Variants in RPH3A observed in about 807,000 individuals in gnomAD.
RPH3A encodes the protein rabphilin-3A.
Under a neutral mutation model 102.2 loss-of-function variants are expected in RPH3A, and 48 were observed. That is an observed-to-expected ratio of 0.47 (90% confidence interval 0.37 to 0.60). RPH3A has a LOEUF of 0.60. RPH3A is among the 20% of genes least tolerant of loss of function. The probability of loss-of-function intolerance (pLI) is 0.00; values close to 1 mark genes in which losing one functional copy is unlikely to be tolerated. For synonymous variants in RPH3A, 310 were observed against 324.3 expected, an observed-to-expected ratio of 0.96 and a Z score of 0.47; for missense variants, 781 against 910.1, an observed-to-expected ratio of 0.86 and a Z score of 1.83.
intron 1 of RPH3A, among the ~76,000 whole-genome samples, chr12:112,771,502 C>T (rs541374458): frequency 2.5e-4 from 38 of 152,152 alleles, no homozygotes; most frequent in Non-Finnish European, 2.9e-4. Context: ...TATGTCACTA[C>T]AAACAATGCT....
At chr12:112,601,605 C>G (rs180941702) in intron 1 of RPH3A, among the ~76,000 whole-genome samples, 37 of 152,228 alleles carry the variant, frequency 2.4e-4, no homozygotes, top group Admixed American at 1.3e-3. Context: ...TGCACAGCAA[C>G]TACATAAAGT....
chr12:112,892,392 C>T (rs1460760741), intron 19 of RPH3A, among the ~76,000 whole-genome samples: 1 of 152,162 alleles, frequency 6.6e-6, no homozygotes, highest in African/African-American at 2.4e-5. Flanking sequence ...ACAGGTATGA[C>T]CCCTGTGGAG....
intron 5 of RPH3A, 152 bp downstream of exon 5, chr12:112,847,994 C>G: frequency 1.3e-6 from 1 of 745,256 alleles, no homozygotes; most frequent in Non-Finnish European, 2.2e-6. Flanking sequence ...GCCCCACCCC[C>G]TTCCCCACTG....
chr12:112,786,110 A>G (rs2041048903), intron 1 of RPH3A, among the ~76,000 whole-genome samples: 1 of 152,224 alleles, frequency 6.6e-6, no homozygotes, highest in Non-Finnish European at 1.5e-5. Flanking sequence ...ACTGGGAAGT[A>G]GGGAGCTGAA....
chr12:112,712,981 TTCG>T (rs1565857020), intron 1 of RPH3A, among the ~76,000 whole-genome samples: 1 of 112,838 alleles, frequency 8.9e-6, no homozygotes. Context: ...TTCTTTCTTC[TTCG>T]TCGTCTTTGT....
At chr12:112,793,037 G>C (rs1250911234) in intron 2 of RPH3A, among the ~76,000 whole-genome samples, 1 of 152,206 alleles carries the variant, frequency 6.6e-6, no homozygotes, top group African/African-American at 2.4e-5. Flanking sequence ...GGGGAACAAA[G>C]CTTGTTCAAA....
chr12:112,876,245 G>A (rs914752999), intron 12 of RPH3A, among the ~76,000 whole-genome samples: 3 of 152,046 alleles, frequency 2.0e-5, no homozygotes, highest in Non-Finnish European at 4.4e-5. Context: ...TGCTTTCTCA[G>A]GCATCAGGCA....
At chr12:112,696,314 C>T (rs900714197) in intron 1 of RPH3A, among the ~76,000 whole-genome samples, 9 of 152,162 alleles carry the variant, frequency 5.9e-5, no homozygotes, top group African/African-American at 2.2e-4. Flanking sequence ...TGTGTGTTTT[C>T]CACATAATGA....
chr12:112,706,316 T>G (rs2040426366), intron 1 of RPH3A, among the ~76,000 whole-genome samples: 1 of 152,184 alleles, frequency 6.6e-6, no homozygotes, highest in Admixed American at 6.5e-5. Context: ...TCTCAACTCT[T>G]CAGGTGGGAT....
At chr12:112,602,890 C>A (rs2039569227) in intron 1 of RPH3A, among the ~76,000 whole-genome samples, 3 of 151,868 alleles carry the variant, frequency 2.0e-5, no homozygotes, top group South Asian at 2.1e-4. Flanking sequence ...CAGCAAAAGA[C>A]AGATTAACAA....
chr12:112,673,185 G>A (rs232926), intron 1 of RPH3A, among the ~76,000 whole-genome samples: 131,901 of 152,060 alleles, frequency 0.87, 57,580 homozygotes, highest in East Asian at 0.98. Context: ...AATCTCGGGC[G>A]ATAAAATTAA....
At position 112,890,030 on chromosome 12, in the gene RPH3A, C is replaced by T. The variant is rs766604088; in HGVS notation, c.1570C>T (p.Arg524Cys). ...TTTGTTTTCTTCTTTTAAGATGAAA[C>T]GTGCTGGGACCACCGGGTCAGCCCG... ...ICLERVIPMK[R>C]AGTTGSARGM... Residue 524 changes from arginine (R) to cysteine (C), a missense_variant, in exon 18 of 22, where the codon CGT (arginine) becomes TGT (cysteine). Around this residue, in one of 2 missense-constraint regions of RPH3A, gnomAD observed 730 missense variants for 810.0 expected, o/e 0.90. Coordinates refer to ENST00000389385, the MANE Select transcript of RPH3A (RefSeq NM_001143854.2). The T allele has an allele frequency of 1.1e-5, 17 of 1,613,390 alleles. No homozygotes were observed. The highest frequency in any genetic ancestry group is 8.3e-5 in the Admixed American group (5 of 59,994).
intron 2 of RPH3A, among the ~76,000 whole-genome samples, chr12:112,819,415 G>T (rs973230049): frequency 2.6e-5 from 4 of 152,076 alleles, no homozygotes; most frequent in Non-Finnish European, 5.9e-5. Context: ...TTAAGAATAG[G>T]AATTTTTACA....
chr12:112,598,990 T>C (rs993731326), intron 1 of RPH3A, among the ~76,000 whole-genome samples: 1 of 152,226 alleles, frequency 6.6e-6, no homozygotes, highest in African/African-American at 2.4e-5. Flanking sequence ...GTGTGTAACA[T>C]GTTCCCCTCA....
intron 1 of RPH3A, among the ~76,000 whole-genome samples, chr12:112,763,939 G>A (rs951624321): frequency 1.3e-5 from 2 of 152,124 alleles, no homozygotes; most frequent in South Asian, 2.1e-4. Flanking sequence ...ACTGCTGTCC[G>A]TCCCCTGTCC....
At chr12:112,788,378 C>A (rs1181922490), upstream of RPH3A, among the ~76,000 whole-genome samples, 1 of 152,212 alleles carries the variant, frequency 6.6e-6, no homozygotes, top group Non-Finnish European at 1.5e-5. Flanking sequence ...TCAGTTGAGG[C>A]CTCTTTTCAT....
At chr12:112,872,726 T>C (rs966012613) in intron 10 of RPH3A, among the ~76,000 whole-genome samples, 4 of 152,218 alleles carry the variant, frequency 2.6e-5, no homozygotes, top group African/African-American at 9.6e-5. Flanking sequence ...AATTTCCACA[T>C]ATCAAATCCT....
chr12:112,806,707 C>A (rs1399018897), intron 2 of RPH3A, among the ~76,000 whole-genome samples: 1 of 151,906 alleles, frequency 6.6e-6, no homozygotes, highest in African/African-American at 2.4e-5. Flanking sequence ...AAATCCTCAT[C>A]TTCTAGTTGG....
At chr12:112,830,990 A>G (rs1402243333) in intron 3 of RPH3A, among the ~76,000 whole-genome samples, 1 of 152,144 alleles carries the variant, frequency 6.6e-6, no homozygotes, top group East Asian at 1.9e-4. Context: ...TAAAGGACCA[A>G]ATAGTAAATA....
Sources: gnomAD v4.1 joint callset for allele counts (sites outside exome capture counted in the v4.1 genomes callset) on GRCh38, gnomAD v4.1.1 for gene constraint, gnomAD v4.1.1 regional missense constraint, MANE v1.5 for transcripts, NCBI Gene and HGNC (gene_info 2026-07-23, HGNC 2026-07-21) for gene names.